NLGN1: variants seen among roughly 807,000 people sequenced by gnomAD.
NLGN1 encodes the protein neuroligin-1.
Under a neutral mutation model 65.5 loss-of-function variants are expected in NLGN1, and 12 were observed. That is an observed-to-expected ratio of 0.18 (90% confidence interval 0.12 to 0.30). NLGN1 has a LOEUF of 0.30. NLGN1 is among the 10% of genes least tolerant of loss of function. NLGN1 has a pLI of 1.00. For synonymous variants in NLGN1, 350 were observed against 359.5 expected (o/e 0.97, Z 0.30); for missense variants, 750 against 1,007.1 (o/e 0.74, Z 3.46).
chr3:173,759,781 T>A (rs183567216), intron 3 of NLGN1, among the ~76,000 whole-genome samples: 154 of 152,114 alleles, frequency 1.0e-3, no homozygotes, highest in African/African-American at 3.6e-3. Context: ...TTCTTATCAA[T>A]TTTTAAATCT....
At chr3:173,686,878 G>A (rs568288536) in intron 3 of NLGN1, among the ~76,000 whole-genome samples, 7 of 152,130 alleles carry the variant, frequency 4.6e-5, no homozygotes, top group African/African-American at 1.2e-4. Flanking sequence ...GCTTGAACCC[G>A]GCAGGTGGAG....
intron 4 of NLGN1, among the ~76,000 whole-genome samples, chr3:174,095,241 A>G (rs1251472638): frequency 2.0e-5 from 3 of 148,766 alleles, no homozygotes; most frequent in Non-Finnish European, 4.4e-5. Flanking sequence ...AAAAAACCAT[A>G]AAGTTGCTTT....
At chr3:174,049,596 A>C (rs552382484) in intron 4 of NLGN1, among the ~76,000 whole-genome samples, 3 of 152,100 alleles carry the variant, frequency 2.0e-5, no homozygotes, top group Non-Finnish European at 4.4e-5. Context: ...CTAATTCCCT[A>C]TCTCCCTGCC....
intron 3 of NLGN1, chr3:173,685,738 C>A: frequency 1.0e-6 from 1 of 985,332 alleles, no homozygotes; most frequent in South Asian, 4.7e-5. Flanking sequence ...TTGGGTGATC[C>A]AGTGTGACTC....
At chr3:173,490,823 T>C (rs1300884598) in intron 2 of NLGN1, among the ~76,000 whole-genome samples, 1 of 152,102 alleles carries the variant, frequency 6.6e-6, no homozygotes, top group Non-Finnish European at 1.5e-5. Flanking sequence ...CCTTGTAAGT[T>C]GGATTCCTAG....
At chr3:174,193,234 T>C (rs1258637258) in intron 4 of NLGN1, among the ~76,000 whole-genome samples, 1 of 152,210 alleles carries the variant, frequency 6.6e-6, no homozygotes, top group African/African-American at 2.4e-5. Flanking sequence ...CATTGCTTAC[T>C]ATTGAGCAGG....
chr3:174,042,305 C>G (rs1174435625), intron 4 of NLGN1, among the ~76,000 whole-genome samples: 12 of 152,122 alleles, frequency 7.9e-5, no homozygotes, highest in Admixed American at 7.9e-4. Context: ...CCAAGCCATA[C>G]AGGTATCCCC....
chr3:174,095,360 A>G (rs1057119567), intron 4 of NLGN1, among the ~76,000 whole-genome samples: 1 of 152,040 alleles, frequency 6.6e-6, no homozygotes, highest in Non-Finnish European at 1.5e-5. Flanking sequence ...CAGCCCTCAC[A>G]TATCTTATAT....
intron 4 of NLGN1, among the ~76,000 whole-genome samples, chr3:173,922,858 C>T (rs566164080): frequency 3.7e-4 from 56 of 152,160 alleles, no homozygotes. Flanking sequence ...ATTCCACGAG[C>T]AATTCCATTA....
At chr3:173,584,385 C>A (rs1175863447) in intron 2 of NLGN1, among the ~76,000 whole-genome samples, 1 of 130,444 alleles carries the variant, frequency 7.7e-6, no homozygotes, top group Non-Finnish European at 1.6e-5. Context: ...TAGGGTAAAA[C>A]CAGGGTCCTC....
chr3:173,507,098 T>G (rs781049216), intron 2 of NLGN1, among the ~76,000 whole-genome samples: 1 of 152,180 alleles, frequency 6.6e-6, no homozygotes, highest in African/African-American at 2.4e-5. Flanking sequence ...CACTTGCTAC[T>G]TCACACTTCT....
chr3:173,771,414 G>A (rs565556683), intron 3 of NLGN1, among the ~76,000 whole-genome samples: 33 of 152,154 alleles, frequency 2.2e-4, no homozygotes, highest in South Asian at 4.1e-4. Flanking sequence ...TGATGATTAG[G>A]GTATTTGAGC....
At chr3:173,419,023 T>C (rs867905300) in intron 1 of NLGN1, among the ~76,000 whole-genome samples, 28 of 62,898 alleles carry the variant, frequency 4.5e-4, no homozygotes, top group African/African-American at 1.8e-3. Context: ...TCTTCTTCTT[T>C]TTTTTTTTTT....
chr3:173,523,830 G>A (rs1446503170), intron 2 of NLGN1, among the ~76,000 whole-genome samples: 1 of 151,064 alleles, frequency 6.6e-6, no homozygotes, highest in South Asian at 2.1e-4. Context: ...CATTTAATCT[G>A]TAGATTGCTT....
intron 4 of NLGN1, among the ~76,000 whole-genome samples, chr3:174,024,140 T>G (rs1728343109): frequency 4.6e-5 from 2 of 43,892 alleles, no homozygotes; most frequent in Admixed American, 7.1e-4. Context: ...TAGAGTCCTA[T>G]TAAAAAAAAA....
chr3:173,918,919 A>C (rs544314508), intron 4 of NLGN1, among the ~76,000 whole-genome samples: 1 of 151,980 alleles, frequency 6.6e-6, no homozygotes, highest in Non-Finnish European at 1.5e-5. Flanking sequence ...TGCCTTTTCT[A>C]TCTTCTAGGG....
chr3:174,274,503 C>T (rs1042339794), intron 4 of NLGN1, among the ~76,000 whole-genome samples: 1 of 151,688 alleles, frequency 6.6e-6, no homozygotes, highest in Non-Finnish European at 1.5e-5. Flanking sequence ...CTTAAACTCT[C>T]TCCCCTACCT....
At chr3:173,414,792 C>G (rs907825548) in intron 1 of NLGN1, among the ~76,000 whole-genome samples, 1 of 152,046 alleles carries the variant, frequency 6.6e-6, no homozygotes, top group African/African-American at 2.4e-5. Context: ...AGCAGGACCA[C>G]GAAAGGTGAA....
intron 3 of NLGN1, among the ~76,000 whole-genome samples, chr3:173,638,444 T>A (rs1756933037): frequency 1.3e-5 from 2 of 152,040 alleles, no homozygotes; most frequent in Admixed American, 1.3e-4. Context: ...AAGAGGTATT[T>A]AAATTTTAAA....
Sources: allele counts gnomAD v4.1 joint callset (sites outside exome capture counted in the v4.1 genomes callset), GRCh38; gene constraint gnomAD v4.1.1; transcripts MANE v1.5; gene names NCBI Gene and HGNC (gene_info 2026-07-23, HGNC 2026-07-21).